The following MITF variants were observed in gnomAD, a reference collection of about 807,000 sequenced individuals.
MITF encodes the protein microphthalmia-associated transcription factor.
In MITF, 17 loss-of-function variants were observed where a neutral mutation model predicts 60.5. The observed-to-expected ratio is 0.28, with a 90% CI of 0.19 to 0.42. MITF has a LOEUF of 0.42. Among genes scored for constraint, MITF ranks in the 10% least tolerant of loss-of-function variants. The pLI is 1.00. For synonymous variants in MITF, 260 were observed against 248.5 expected (o/e 1.05, Z -0.43); for missense variants, 622 against 683.5 (o/e 0.91, Z 1.00).
chr3:69,744,926 G>A (rs1238783931), intron 1 of MITF, among the ~76,000 whole-genome samples: 8 of 152,096 alleles, frequency 5.3e-5, no homozygotes, highest in Admixed American at 4.6e-4. Flanking sequence ...CCTAGTATGT[G>A]CACATTAATA....
intron 2 of MITF, among the ~76,000 whole-genome samples, chr3:69,923,043 T>A (rs1403455926): frequency 6.6e-6 from 1 of 152,194 alleles, no homozygotes; most frequent in Non-Finnish European, 1.5e-5. Flanking sequence ...GGGGACCAAA[T>A]TCTCAGGAGA....
intron 1 of MITF, among the ~76,000 whole-genome samples, chr3:69,780,881 G>C (rs1267779047): frequency 6.6e-6 from 1 of 152,106 alleles, no homozygotes; most frequent in Non-Finnish European, 1.5e-5. Context: ...CTGTGGGAAG[G>C]GACTGCACAA....
intron 2 of MITF, among the ~76,000 whole-genome samples, chr3:69,894,034 A>T (rs2064818236): frequency 6.6e-6 from 1 of 152,230 alleles, no homozygotes; most frequent in African/African-American, 2.4e-5. Flanking sequence ...ATGTTTCTTG[A>T]TTCTGAAATT....
At chr3:69,794,823 G>A (rs200601409) in intron 1 of MITF, among the ~76,000 whole-genome samples, 2 of 152,120 alleles carry the variant, frequency 1.3e-5, no homozygotes, top group Non-Finnish European at 2.9e-5. Context: ...ACTTAGTTTT[G>A]TCTATTCTTG....
intron 1 of MITF, among the ~76,000 whole-genome samples, chr3:69,823,297 T>C (rs1188711582): frequency 1.3e-5 from 2 of 152,238 alleles, no homozygotes; most frequent in African/African-American, 2.4e-5. Context: ...GCTGCTATCA[T>C]GAAATACCAT....
intron 2 of MITF, among the ~76,000 whole-genome samples, chr3:69,909,756 G>A (rs745339044): frequency 5.9e-5 from 9 of 152,138 alleles, no homozygotes; most frequent in Middle Eastern, 3.2e-3. Flanking sequence ...GGTATCTGGC[G>A]GAAGAAATTT....
At chr3:69,814,317 A>G (rs1320196374) in intron 1 of MITF, among the ~76,000 whole-genome samples, 8 of 152,036 alleles carry the variant, frequency 5.3e-5, no homozygotes, top group African/African-American at 1.4e-4. Context: ...CATTCATTTA[A>G]TAAGTCTTCT....
intron 1 of MITF, among the ~76,000 whole-genome samples, chr3:69,874,971 G>A (rs2064321176): frequency 1.3e-5 from 2 of 152,204 alleles, no homozygotes; most frequent in Admixed American, 1.3e-4. Flanking sequence ...TGCCATAGAG[G>A]TAGGAACTCA....
At chr3:69,753,091 G>A (rs902027643) in intron 1 of MITF, among the ~76,000 whole-genome samples, 22 of 152,202 alleles carry the variant, frequency 1.4e-4, no homozygotes, top group African/African-American at 3.1e-4. Flanking sequence ...GGACTGAGTC[G>A]TTTCCTGGGC....
chr3:69,822,743 T>C (rs2063295122), intron 1 of MITF, among the ~76,000 whole-genome samples: 1 of 152,176 alleles, frequency 6.6e-6, no homozygotes, highest in African/African-American at 2.4e-5. Flanking sequence ...CCCACCCACA[T>C]ACAAACACCA....
intron 1 of MITF, among the ~76,000 whole-genome samples, chr3:69,758,295 A>G (rs1480310159): frequency 2.0e-5 from 3 of 151,726 alleles, no homozygotes; most frequent in African/African-American, 7.3e-5. Flanking sequence ...TCAGCCTCTC[A>G]GGTAGCTGGG....
At chr3:69,851,902 A>G (rs1455328272) in intron 1 of MITF, among the ~76,000 whole-genome samples, 1 of 152,254 alleles carries the variant, frequency 6.6e-6, no homozygotes, top group Non-Finnish European at 1.5e-5. Context: ...TTTAAATTTC[A>G]TAAATTTAAT....
At chr3:69,852,924 G>A (rs2063849927) in intron 1 of MITF, among the ~76,000 whole-genome samples, 1 of 152,140 alleles carries the variant, frequency 6.6e-6, no homozygotes, top group Admixed American at 6.5e-5. Flanking sequence ...AACACCCCAA[G>A]CAAGAGTGTA....
At chr3:69,938,255 C>A (rs2065890482) in intron 3 of MITF, 3 of 1,202,752 alleles carry the variant, frequency 2.5e-6, no homozygotes, top group Admixed American at 2.0e-5. Flanking sequence ...TGACGGGAGA[C>A]CTGGCCCTCT....
At chr3:69,758,957 A>G (rs773312753) in intron 1 of MITF, among the ~76,000 whole-genome samples, 1 of 152,232 alleles carries the variant, frequency 6.6e-6, no homozygotes, top group Non-Finnish European at 1.5e-5. Context: ...TGACTGGCAT[A>G]TGTACATTCT....
chr3:69,812,711 G>A (rs1276473884), intron 1 of MITF, among the ~76,000 whole-genome samples: 4 of 152,118 alleles, frequency 2.6e-5, no homozygotes, highest in South Asian at 2.1e-4. Flanking sequence ...TTATGAATTC[G>A]TGATAAAGTT....
intron 1 of MITF, chr3:69,866,096 G>C: frequency 2.0e-6 from 2 of 1,024,742 alleles, no homozygotes; most frequent in Non-Finnish European, 2.6e-6. Flanking sequence ...TTGTCCTGCA[G>C]GTACAGTAGG....
chr3:69,918,506 A>G lies in MITF; in HGVS notation c.355-19316A>G, dbSNP rs575016703. On this transcript the variant is annotated intron_variant, in intron 2 of 9. Coordinates refer to ENST00000352241, the MANE Select transcript of MITF (RefSeq NM_001354604.2). ...GACTTTTAAAATAAGTATGTTTGCC[A>G]TATCACTGATAGCAGTGCATTGATT... Among the ~76,000 whole-genome samples, 16 of 152,312 alleles carry G rather than the reference A, an allele frequency of 1.1e-4. 1 individual carries two copies. The South Asian group carries it at 3.1e-3, about 30-fold the overall frequency.
chr3:69,922,267 G>T (rs1164699922), intron 2 of MITF, among the ~76,000 whole-genome samples: 1 of 152,060 alleles, frequency 6.6e-6, no homozygotes, highest in Non-Finnish European at 1.5e-5. Flanking sequence ...CTGTCGCCAG[G>T]CTGGAGTGCG....
Sources: gnomAD v4.1 joint callset for allele counts (sites outside exome capture counted in the v4.1 genomes callset) on GRCh38, gnomAD v4.1.1 for gene constraint, MANE v1.5 for transcripts, NCBI Gene and HGNC (gene_info 2026-07-23, HGNC 2026-07-21) for gene names.